KLHL38: variants seen among roughly 807,000 people sequenced by gnomAD.
KLHL38 encodes kelch-like protein 38.
A neutral mutation model predicts 39.6 loss-of-function variants in KLHL38; 38 were observed. The ratio of observed to expected loss-of-function variants is 0.96; its 90% confidence interval spans 0.74 to 1.26. The LOEUF (loss-of-function observed/expected upper bound fraction) is 1.26, where lower values mean the gene tolerates loss of function less well. KLHL38 is among the 50% of genes most tolerant of loss of function. The pLI, the probability that KLHL38 is intolerant of heterozygous loss-of-function variation, is 0.00. For missense variants in KLHL38, 803 were observed against 748.1 expected, an observed-to-expected ratio of 1.07 and a Z score of -0.86; for synonymous variants, 322 against 302.2, an observed-to-expected ratio of 1.07 and a Z score of -0.68.
chr8:123,651,594 G>C lies in KLHL38; in HGVS notation c.1333C>G (p.Pro445Ala), dbSNP rs375302916. 9 of 1,587,318 alleles carry C rather than the reference G, an allele frequency of 5.7e-6. No homozygotes were observed. Among genetic ancestry groups the C allele is most frequent in the Non-Finnish European group, 7.7e-6 (9 of 1,169,446 alleles). The change falls in exon 2 of 4, where the codon CCT becomes GCT. Residue 445 changes from proline to alanine, a missense_variant. Coordinates refer to ENST00000684634, the MANE Select transcript of KLHL38 (RefSeq NM_001081675.3). ...LFGGEDIMQN[P>A]VRLIQVYHIS... ...CCATTTACCTGGATAAGGCGCACAG[G>C]GTTCTGCATGATGTCCTCTCCTCCA...
At position 123,645,493 on chromosome 8, in the gene KLHL38, G is replaced by A. The variant is rs566301448; in HGVS notation, c.*246C>T. 3.8e-4 allele frequency: 209 copies of A among 550,498 alleles called. No homozygotes were observed. The highest frequency in any genetic ancestry group is 7.7e-4 in the South Asian group (30 of 39,090). 34.1% of individuals were successfully genotyped at this position (550,498 alleles called of 1,614,324 possible). ...AGAGAGAGAGAGACAGACAGAGATA[G>A]GGGAGAGAAAGAAAGAAGGGGGAAA... On this transcript the variant is annotated 3_prime_UTR_variant, in exon 4 of 4. Transcript: ENST00000684634.
At position 123,652,059 on chromosome 8, in the gene KLHL38, C is replaced by G; in HGVS notation, c.868G>C (p.Gly290Arg). 6.2e-7 allele frequency: 1 copy of G among 1,614,192 alleles called. No homozygotes were observed. Among genetic ancestry groups the G allele is most frequent in the Non-Finnish European group, 8.5e-7 (1 of 1,180,046 alleles). Residue 290 changes from glycine to arginine, a missense_variant, in exon 2 of 4, where the codon GGC becomes CGC. Physicochemically the swap from Gly to Arg is moderately radical, Grantham distance 125. Coordinates refer to ENST00000684634, the MANE Select transcript of KLHL38 (RefSeq NM_001081675.3). Reference sequence around the variant, plus strand: ...GTCTGCTGGCTGTCCTTCCTTCCGCCCAAGAGGATGAGGAAATCTTGGTAA... The same window carrying G: ...GTCTGCTGGCTGTCCTTCCTTCCGCGCAAGAGGATGAGGAAATCTTGGTAA... ...NSYQDFLILL[G>R]GRKDSQQTTR...
chr8:123,653,026 C>T, intron 1 of KLHL38, 99 bp from the exon 2 acceptor site: 4 of 1,192,612 alleles, frequency 3.4e-6, no homozygotes, highest in South Asian at 1.6e-5. Context: ...AAGACCAGTG[C>T]TCCTATTCCA....
intron 2 of KLHL38, among the ~76,000 whole-genome samples, chr8:123,649,485 T>TCTCC (rs1812596920): frequency 6.6e-6 from 1 of 152,140 alleles, no homozygotes; most frequent in South Asian, 2.1e-4. Flanking sequence ...GTCTCCCAGT[T>TCTCC]CTCCCCTTTG....
At position 123,651,704 on chromosome 8, in the gene KLHL38, C is replaced by A. The variant is rs1349974497; in HGVS notation, c.1223G>T (p.Cys408Phe). The A allele has an allele frequency of 5.0e-6, 8 of 1,614,092 alleles. No homozygotes were observed. Among genetic ancestry groups the A allele is most frequent in the Admixed American group, 1.7e-5 (1 of 60,016 alleles). Reference protein sequence around the residue: ...MGSMERYDSICNVWESMASMP... With the variant: ...MGSMERYDSIFNVWESMASMP... ...GCTGGCCATACTCTCCCAGACATTG[C>A]AGATGCTGTCATACCTTTCCATGGA... The change falls in exon 2 of 4, where the codon TGC becomes TTC. Residue 408 changes from cysteine (C) to phenylalanine (F), a missense_variant. Coordinates refer to ENST00000684634, the MANE Select transcript of KLHL38 (RefSeq NM_001081675.3).
At chr8:123,646,255 A>G (rs1351114514) in intron 3 of KLHL38, among the ~76,000 whole-genome samples, 1 of 152,266 alleles carries the variant, frequency 6.6e-6, no homozygotes, top group East Asian at 1.9e-4. Context: ...AAGGCAGCAT[A>G]TAAGCCATTC....
At chr8:123,653,102 A>C (rs780824689) in intron 1 of KLHL38, among the ~76,000 whole-genome samples, 175 bp from the exon 2 acceptor site, 9 of 152,310 alleles carry the variant, frequency 5.9e-5, no homozygotes, top group Non-Finnish European at 1.2e-4. Context: ...GGAAGGCCAC[A>C]TACATCTCAG....
At chr8:123,647,355 A>G (rs1563591994) in intron 2 of KLHL38, among the ~76,000 whole-genome samples, 2 of 152,214 alleles carry the variant, frequency 1.3e-5, no homozygotes, top group African/African-American at 2.4e-5. Flanking sequence ...CAGAAAACCA[A>G]TGATTTTCTG....
intron 1 of KLHL38, among the ~76,000 whole-genome samples, chr8:123,653,367 A>G (rs1360358261): frequency 3.9e-5 from 6 of 152,186 alleles, no homozygotes; most frequent in Non-Finnish European, 7.3e-5. Flanking sequence ...CTGGGTGTCA[A>G]TCATTCCCCA....
chr8:123,651,626 T>C lies in KLHL38; in HGVS notation c.1301A>G (p.Tyr434Cys), dbSNP rs756989578. ...PAVAVKDQRLYLFGGEDIMQN... is the reference protein window; with the variant it reads ...PAVAVKDQRLCLFGGEDIMQN... ...CATGATGTCCTCTCCTCCAAAGAGA[T>C]AGAGTCTTTGGTCTTTCACAGCGAC... The change falls in exon 2 of 4, where the codon TAT becomes TGT. Residue 434 changes from tyrosine to cysteine, a missense_variant. Coordinates refer to ENST00000684634, the MANE Select transcript of KLHL38 (RefSeq NM_001081675.3). The C allele has an allele frequency of 6.2e-7, 1 of 1,611,224 alleles. No homozygotes were observed. The highest frequency in any genetic ancestry group is 8.5e-7 in the Non-Finnish European group (1 of 1,179,064).
At position 123,649,714 on chromosome 8, in the gene KLHL38, T is replaced by C. The variant is rs190211503; in HGVS notation, c.1350+1863A>G. ...CCTCAAGAAGGTTCCAGGATTTTTC[T>C]AGGAGGGGCTCAGGGGTTGCGATGT... On this transcript the variant is annotated intron_variant, in intron 2 of 3. Coordinates refer to ENST00000684634, the MANE Select transcript of KLHL38 (RefSeq NM_001081675.3). 1.7e-4 allele frequency among the ~76,000 whole-genome samples: 26 copies of C among 152,224 alleles called. No homozygotes were observed. The East Asian group carries it at 4.1e-3, about 24-fold the overall frequency.
intron 3 of KLHL38, 149 bp downstream of exon 3, chr8:123,646,760 G>A (rs959740560): frequency 3.5e-6 from 2 of 567,250 alleles, no homozygotes; most frequent in Non-Finnish European, 6.2e-6. Flanking sequence ...TGAGGAGAGA[G>A]TTTTGTCAGA....
chr8:123,652,154 T>C lies in KLHL38; in HGVS notation c.773A>G (p.Gln258Arg), dbSNP rs1812658896. ...CQIILETAKR[Q>R]MFSLCGTTVP... ...GGTGGTGCCACACAAAGAGAACATC[T>C]GTCTCTTGGCGGTCTCCAAGATGAT... Residue 258 changes from glutamine to arginine, a missense_variant, in exon 2 of 4, where the codon CAG becomes CGG. Physicochemically the swap from Gln to Arg is conservative, Grantham distance 43. Transcript: ENST00000684634. 1.2e-6 allele frequency: 2 copies of C among 1,614,134 alleles called. No homozygotes were observed. The highest frequency in any genetic ancestry group is 1.7e-6 in the Non-Finnish European group (2 of 1,180,016).
Position 123,651,846 on chromosome 8 carries a change from T to A in KLHL38, c.1081A>T (p.Asn361Tyr), listed in dbSNP as rs757444586. ...ATGGGCTCCCCCAGCCTCCACTGAT[T>A]GAGTTTCAGGGAGAAGATGTAGACA... ...HNVYIFSLKL[N>Y]QWRLGEPMLV... The change falls in exon 2 of 4, where the codon AAT (asparagine) becomes TAT (tyrosine). Residue 361 changes from asparagine to tyrosine, a missense_variant. Physicochemically the swap from Asn to Tyr is moderately radical, Grantham distance 143. Transcript: ENST00000684634. 14 of 1,614,064 alleles carry A rather than the reference T, an allele frequency of 8.7e-6. No homozygotes were observed. Among genetic ancestry groups the A allele is most frequent in the Non-Finnish European group, 1.2e-5 (14 of 1,180,028 alleles).
rs185446455 is a variant in KLHL38, at chr8:123,644,606, T to C, written c.*1133A>G. ...CACGCTGCCACCTGGACCAAGCAGT[T>C]CCAGGAATCCTCTGGGTTCTCTCAG... On this transcript the variant is annotated 3_prime_UTR_variant, in exon 4 of 4. Coordinates refer to ENST00000684634, the MANE Select transcript of KLHL38 (RefSeq NM_001081675.3). Among the ~76,000 whole-genome samples, 56 of 152,336 alleles carry C rather than the reference T, an allele frequency of 3.7e-4. No homozygotes were observed. The highest frequency in any genetic ancestry group is 2.9e-3 in the Admixed American group (45 of 15,306).
intron 2 of KLHL38, among the ~76,000 whole-genome samples, chr8:123,650,525 A>G (rs1362456858): frequency 1.3e-5 from 2 of 152,152 alleles, no homozygotes; most frequent in East Asian, 1.9e-4. Flanking sequence ...GCCCTTCACA[A>G]TGGTTGATGT....
rs200162100 is a variant in KLHL38 at position 123,645,705 on chromosome 8, C to A, written c.*34G>T. ...GGTTTGTGTCCCTGGCGACAGAAGG[C>A]ATTTTGACTAGGGCAGAAGGTTTCT... On this transcript the variant is annotated 3_prime_UTR_variant, in exon 4 of 4. Coordinates refer to ENST00000684634, the MANE Select transcript of KLHL38 (RefSeq NM_001081675.3). 505 of 1,603,932 alleles carry A rather than the reference C, an allele frequency of 3.1e-4. 3 individuals carry two copies. In the African/African-American group the frequency reaches 5.5e-3, roughly 18 times the overall value.
chr8:123,649,086 A>C (rs975011811), intron 2 of KLHL38, among the ~76,000 whole-genome samples: 3 of 152,216 alleles, frequency 2.0e-5, no homozygotes, highest in African/African-American at 7.2e-5. Context: ...ATCTTGTTTG[A>C]TGGTACTATA....
intron 2 of KLHL38, among the ~76,000 whole-genome samples, chr8:123,649,961 C>A (rs1465265318): frequency 6.6e-6 from 1 of 152,182 alleles, no homozygotes; most frequent in Non-Finnish European, 1.5e-5. Context: ...ACCACTCCCC[C>A]TCCCTCAAGA....
Sources: allele counts gnomAD v4.1 joint callset (sites outside exome capture counted in the v4.1 genomes callset), GRCh38; gene constraint gnomAD v4.1.1; transcripts MANE v1.5; gene names NCBI Gene and HGNC (gene_info 2026-07-23, HGNC 2026-07-21).